Variants in CD163L1 observed in about 807,000 individuals in gnomAD.
The protein encoded by CD163L1 is scavenger receptor cysteine-rich type 1 protein M160.
CD163L1 carries 124 observed loss-of-function variants against 165.4 expected under a neutral mutation model. That is an observed-to-expected ratio of 0.75 (90% confidence interval 0.65 to 0.87). The LOEUF (loss-of-function observed/expected upper bound fraction) is 0.87, where lower values mean the gene tolerates loss of function less well. Among genes scored for constraint, CD163L1 ranks in the 40% least tolerant of loss-of-function variants. The pLI is 0.00. For synonymous variants in CD163L1, 585 were observed against 662.2 expected, an observed-to-expected ratio of 0.88 and a Z score of 1.79; for missense variants, 1,525 against 1,799.9, an observed-to-expected ratio of 0.85 and a Z score of 2.76.
At position 7,383,754 on chromosome 12, in the gene CD163L1, C is replaced by G. The variant is rs371507823; in HGVS notation, c.2051-4456G>C. ...CATGGAGATTACACTATAGCATGCA[C>G]CCAGGATCAAAGATAAACTGCCCTA... is the stretch of plus-strand genomic sequence containing the variant. On this transcript the variant is annotated intron_variant, in intron 8 of 19. Transcript: ENST00000313599. Among the ~76,000 whole-genome samples the G allele has an allele frequency of 2.6e-5, 4 of 152,230 alleles. No individual in the cohort carries two copies. The East Asian group carries it at 7.7e-4, about 29-fold the overall frequency.
chr12:7,443,262 C>G lies in CD163L1; in HGVS notation c.31+835G>C, dbSNP rs142572081. On this transcript the variant is annotated intron_variant, in intron 1 of 19. Transcript: ENST00000313599. ...AAACAGTTACAAAATATTAAGTTGA[C>G]TTGTAGTAATTGCACTGAGGAATGG... Among the ~76,000 whole-genome samples the G allele has an allele frequency of 2.6e-5, 4 of 152,318 alleles. No homozygotes were observed. The East Asian group carries it at 7.7e-4, about 29-fold the overall frequency.
intron 4 of CD163L1, among the ~76,000 whole-genome samples, chr12:7,413,710 T>C (rs1375910762): frequency 6.6e-6 from 1 of 152,208 alleles, no homozygotes; most frequent in Non-Finnish European, 1.5e-5. Flanking sequence ...GTGTATCTTT[T>C]GCAGACAGCA....
intron 8 of CD163L1, among the ~76,000 whole-genome samples, chr12:7,387,023 G>A (rs1947534476): frequency 1.3e-5 from 2 of 152,120 alleles, no homozygotes; most frequent in Non-Finnish European, 2.9e-5. Context: ...TCAGAAAAGA[G>A]AAAGTCAAAT....
Position 7,369,752 on chromosome 12 carries a change from G to A in CD163L1, c.3731-87C>T, listed in dbSNP as rs116546737. On this transcript the variant is annotated intron_variant, in intron 14 of 19. Transcript: ENST00000313599. The surrounding 1 kb of genome is among the most constrained non-coding windows in gnomAD (Gnocchi z 4.9). ...GTAGAAAAACTTGAAAGTAGCAAAT[G>A]TGCTTGATGAATATGGGTGTGGTAA... 2,024 of 1,189,982 alleles carry A rather than the reference G, an allele frequency of 1.7e-3. 35 individuals carry two copies. The African/African-American group carries it at 0.026, about 15-fold the overall frequency. The allele number at this position is 1,189,982 out of a possible 1,614,324, so 73.7% of individuals were successfully genotyped here. A position where few individuals can be genotyped will look rare whatever the true frequency, so the allele number is the denominator to read the frequency against.
chr12:7,431,798 G>A (rs896126977), intron 4 of CD163L1, among the ~76,000 whole-genome samples: 1 of 152,046 alleles, frequency 6.6e-6, no homozygotes, highest in Non-Finnish European at 1.5e-5. Context: ...TAATGAAGTG[G>A]GTAATAATGC....
At chr12:7,418,309 T>A (rs1261945119) in intron 4 of CD163L1, among the ~76,000 whole-genome samples, 1 of 152,018 alleles carries the variant, frequency 6.6e-6, no homozygotes. Context: ...GAAATCATGA[T>A]GGAAATTTAA....
intron 18 of CD163L1, among the ~76,000 whole-genome samples, chr12:7,358,151 G>A (rs1371171747): frequency 6.6e-6 from 1 of 152,164 alleles, no homozygotes; most frequent in Non-Finnish European, 1.5e-5. Flanking sequence ...GGCAGAGACA[G>A]AGAATTGCAA....
At position 7,432,007 on chromosome 12, in the gene CD163L1, G is replaced by C. The variant is rs924726932; in HGVS notation, c.766+409C>G. On this transcript the variant is annotated intron_variant, in intron 4 of 19. Coordinates refer to ENST00000313599, the MANE Select transcript of CD163L1 (RefSeq NM_174941.6). The surrounding 1 kb of genome is among the most constrained non-coding windows in gnomAD (Gnocchi z 4.2). ...TGCCAAAGGAAAGAGGGCAGCGTGA[G>C]ATTAGGGACTTAGTCCTGATGAAAT... Among the ~76,000 whole-genome samples the C allele has an allele frequency of 2.0e-5, 3 of 152,166 alleles. No homozygotes were observed. The highest frequency in any genetic ancestry group is 4.4e-5 in the Non-Finnish European group (3 of 68,016).
In CD163L1 at chr12:7,373,532, G is replaced by A. The variant is rs760836443; in HGVS notation, c.3518C>T (p.Thr1173Ile). The A allele has an allele frequency of 4.3e-6, 7 of 1,614,218 alleles. No individual in the cohort carries two copies. Among genetic ancestry groups the A allele is most frequent in the Non-Finnish European group, 5.9e-6 (7 of 1,180,024 alleles). ...GCACACAATGCCTGCTATGGCTGTG[G>A]TGATGTTCCTCCTGCCGACGCTGCC... is the stretch of plus-strand genomic sequence containing the variant. ...TWGSVGRRNI[T>I]TAIAGIVCRQ... The change falls in exon 14 of 20, where the codon ACC becomes ATC. Residue 1173 changes from threonine to isoleucine, a missense_variant. By Grantham distance (89) the Thr-to-Ile change is moderately conservative. Coordinates refer to ENST00000313599, the MANE Select transcript of CD163L1 (RefSeq NM_174941.6).
At chr12:7,399,517 CTCTCTTTCTT>C (rs377149280) in intron 6 of CD163L1, among the ~76,000 whole-genome samples, 20 of 13,812 alleles carry the variant, frequency 1.4e-3, no homozygotes, top group South Asian at 4.9e-3. Flanking sequence ...CCCTCCCTCC[CTCTCTTTCTT>C]TCTCTTTCTT....
In CD163L1 at chr12:7,369,564, C is replaced by T; in HGVS notation, c.3832G>A (p.Ala1278Thr). ...TGCTGACACACCACTTCCGCCTCGG[C>T]CAGGTCCCAGGAGTCATCACACACT... ...GTVCDDSWDL[A>T]EAEVVCQQLG... The change falls in exon 15 of 20, where the codon GCC becomes ACC. Residue 1278 changes from alanine (A) to threonine (T), a missense_variant. Transcript: ENST00000313599. The surrounding 1 kb of genome is among the most constrained non-coding windows in gnomAD (Gnocchi z 4.9). 6.2e-7 allele frequency: 1 copy of T among 1,614,210 alleles called. No individual in the cohort carries two copies. Among genetic ancestry groups the T allele is most frequent in the Non-Finnish European group, 8.5e-7 (1 of 1,180,034 alleles).
chr12:7,331,016 C>G, the CD163L1 span, among the ~76,000 whole-genome samples: 1 of 152,174 alleles, frequency 6.6e-6, no homozygotes, highest in Non-Finnish European at 1.5e-5. Flanking sequence ...CAAAAGGGGT[C>G]AGGGAAGTCT....
chr12:7,379,333 A>G, intron 8 of CD163L1, 35 bp from the exon 9 acceptor site: 7 of 1,596,954 alleles, frequency 4.4e-6, no homozygotes, highest in Non-Finnish European at 6.0e-6. Context: ...TTAGAGAAGC[A>G]CTCTATGTGA....
Position 7,372,866 on chromosome 12 carries a change from A to G in CD163L1, c.3730+454T>C, listed in dbSNP as rs1240019956. On this transcript the variant is annotated intron_variant, in intron 14 of 19. Coordinates refer to ENST00000313599, the MANE Select transcript of CD163L1 (RefSeq NM_174941.6). This position sits in a 1 kb window ranked among gnomAD's most constrained non-coding sequence, Gnocchi z 4.2. The stretch of plus-strand genomic sequence containing the variant: ...ACATATTAAATTTTAATCAAATAAG[A>G]CAATTTACAAGTGTCTTATAAATAA... Among the ~76,000 whole-genome samples, 1 of 152,132 alleles carries G rather than the reference A, an allele frequency of 6.6e-6. No homozygotes were observed. The highest frequency in any genetic ancestry group is 2.4e-5 in the African/African-American group (1 of 41,436).
chr12:7,367,038 A>T (rs1172486870), intron 18 of CD163L1, among the ~76,000 whole-genome samples, 198 bp downstream of exon 18: 2 of 152,190 alleles, frequency 1.3e-5, no homozygotes, highest in Non-Finnish European at 2.9e-5. Flanking sequence ...TGAGGATGAA[A>T]TAAGTGAGAA....
chr12:7,322,025 A>G, the CD163L1 span, among the ~76,000 whole-genome samples: 1 of 152,192 alleles, frequency 6.6e-6, no homozygotes, highest in Non-Finnish European at 1.5e-5. Flanking sequence ...ATGTGTAAAT[A>G]GGGGTTGAGA....
intron 18 of CD163L1, among the ~76,000 whole-genome samples, chr12:7,358,636 C>T (rs1946827086): frequency 6.6e-6 from 1 of 152,028 alleles, no homozygotes; most frequent in South Asian, 2.1e-4. Context: ...AAACCTTACA[C>T]CAACACTCTC....
At chr12:7,393,243 C>G (rs1947696941) in intron 8 of CD163L1, among the ~76,000 whole-genome samples, 1 of 152,202 alleles carries the variant, frequency 6.6e-6, no homozygotes, top group African/African-American at 2.4e-5. Flanking sequence ...TTGGCTTCAT[C>G]CCTGGGATGC....
the CD163L1 span, among the ~76,000 whole-genome samples, chr12:7,330,769 C>T: frequency 1.3e-5 from 2 of 152,182 alleles, no homozygotes; most frequent in African/African-American, 4.8e-5. Flanking sequence ...GTCCAAGTGG[C>T]TACAAAAACA....
Sources: gnomAD v4.1 joint callset for allele counts (sites outside exome capture counted in the v4.1 genomes callset) on GRCh38, gnomAD v4.1.1 for gene constraint, Gnocchi (gnomAD v3.1) non-coding constraint, MANE v1.5 for transcripts, NCBI Gene and HGNC (gene_info 2026-07-23, HGNC 2026-07-21) for gene names.